The following KCNU1 variants were observed in gnomAD, a reference collection of about 807,000 sequenced individuals.
The protein encoded by KCNU1 is potassium calcium-activated channel subfamily U member 1.
KCNU1 carries 93 observed loss-of-function variants against 126.8 expected under a neutral mutation model. That is an observed-to-expected ratio of 0.73 (90% CI 0.62 to 0.87). The LOEUF is 0.87. KCNU1 is among the 40% of genes least tolerant of loss of function. The pLI, the probability that KCNU1 is intolerant of heterozygous loss-of-function variation, is 0.00. For missense variants in KCNU1, 1,330 were observed against 1,367.1 expected (o/e 0.97, Z 0.43); for synonymous variants, 523 against 494.2 (o/e 1.06, Z -0.77).
intron 24 of KCNU1, among the ~76,000 whole-genome samples, chr8:36,928,270 C>G (rs996429830): frequency 6.6e-6 from 1 of 152,082 alleles, no homozygotes; most frequent in Non-Finnish European, 1.5e-5. Flanking sequence ...TTTCCTAGAG[C>G]TATTGATACC....
At position 36,932,945 on chromosome 8, in the gene KCNU1, T is replaced by A. The variant is rs777117762; in HGVS notation, c.2957T>A (p.Phe986Tyr). The A allele has an allele frequency of 3.2e-6, 5 of 1,574,022 alleles. No individual in the cohort carries two copies. Among genetic ancestry groups the A allele is most frequent in the Non-Finnish European group, 4.3e-6 (5 of 1,157,742 alleles). Reference sequence around the variant, plus strand: ...CCAAGAAACACCTTTGGACAACTGTTCTGTGGCTCATTAGATCTTTTTGGA... The same window carrying A: ...CCAAGAAACACCTTTGGACAACTGTACTGTGGCTCATTAGATCTTTTTGGA... ...VNPRNTFGQL[F>Y]CGSLDLFGIL... is the part of the protein sequence containing the mutation. The change falls in exon 26 of 27, where the codon TTC becomes TAC. Residue 986 changes from phenylalanine (F) to tyrosine (Y), a missense_variant. Phe to Tyr is a conservative substitution (Grantham distance 22). Transcript: ENST00000399881.
intron 2 of KCNU1, among the ~76,000 whole-genome samples, chr8:36,791,420 C>T (rs1173587128): frequency 6.6e-6 from 1 of 152,136 alleles, no homozygotes; most frequent in South Asian, 2.1e-4. Context: ...TAACATCATC[C>T]TAAGCACTAC....
intron 14 of KCNU1, among the ~76,000 whole-genome samples, chr8:36,838,336 T>A (rs1804828571): frequency 6.6e-6 from 1 of 152,214 alleles, no homozygotes; most frequent in Non-Finnish European, 1.5e-5. Flanking sequence ...TGAAGACTTA[T>A]CCTCCTTCAT....
intron 26 of KCNU1, among the ~76,000 whole-genome samples, chr8:36,934,376 G>A (rs1808792464): frequency 6.6e-6 from 1 of 151,942 alleles, no homozygotes; most frequent in Non-Finnish European, 1.5e-5. Context: ...CTGATGGATG[G>A]GGAAGGAAGG....
intron 19 of KCNU1, among the ~76,000 whole-genome samples, chr8:36,879,077 G>A (rs1361192102): frequency 2.0e-5 from 3 of 147,794 alleles, no homozygotes; most frequent in Admixed American, 6.8e-5. Context: ...AGTGGGCACC[G>A]TAAAAGATTG....
intron 1 of KCNU1, among the ~76,000 whole-genome samples, chr8:36,785,225 T>C (rs1394867602): frequency 2.0e-5 from 3 of 152,152 alleles, no homozygotes; most frequent in Non-Finnish European, 4.4e-5. Flanking sequence ...GAATAAATGA[T>C]GTATTATACA....
chr8:36,860,124 C>T (rs561600547), intron 18 of KCNU1, among the ~76,000 whole-genome samples: 6 of 152,142 alleles, frequency 3.9e-5, no homozygotes, highest in Non-Finnish European at 7.3e-5. Context: ...GTTGCCCAGG[C>T]TGGAGTGCAG....
intron 25 of KCNU1, among the ~76,000 whole-genome samples, chr8:36,932,386 A>G (rs1448434139): frequency 6.6e-6 from 1 of 151,998 alleles, no homozygotes; most frequent in Non-Finnish European, 1.5e-5. Context: ...GAATTACAGA[A>G]CTGTATGGAT....
intron 10 of KCNU1, among the ~76,000 whole-genome samples, chr8:36,829,882 T>A (rs1691574819): frequency 1.3e-5 from 2 of 151,348 alleles, no homozygotes; most frequent in South Asian, 4.1e-4. Context: ...AAAAGTAATA[T>A]CTTCCAGTAG....
At chr8:36,875,629 A>G (rs1806254228) in intron 19 of KCNU1, among the ~76,000 whole-genome samples, 1 of 152,078 alleles carries the variant, frequency 6.6e-6, no homozygotes, top group Non-Finnish European at 1.5e-5. Context: ...TCCAGTTTCT[A>G]TTTACTTATT....
chr8:36,863,505 C>T (rs749887367), intron 18 of KCNU1, among the ~76,000 whole-genome samples: 14 of 152,134 alleles, frequency 9.2e-5, no homozygotes, highest in Non-Finnish European at 1.6e-4. Context: ...TTCTGGCAAG[C>T]GGATCACACA....
intron 20 of KCNU1, among the ~76,000 whole-genome samples, chr8:36,908,901 A>G (rs1041647976): frequency 3.9e-5 from 6 of 152,178 alleles, no homozygotes; most frequent in Admixed American, 2.0e-4. Flanking sequence ...ACTAGAAGAC[A>G]TAATTTAGCA....
intron 22 of KCNU1, among the ~76,000 whole-genome samples, chr8:36,913,920 A>G (rs1359399004): frequency 6.6e-6 from 1 of 152,120 alleles, no homozygotes; most frequent in Non-Finnish European, 1.5e-5. Flanking sequence ...CATTTTAAGA[A>G]CATTTTGAGG....
intron 7 of KCNU1, among the ~76,000 whole-genome samples, chr8:36,810,666 A>G (rs1314519044): frequency 2.0e-5 from 3 of 152,238 alleles, no homozygotes; most frequent in African/African-American, 7.2e-5. Context: ...CTAAATGATG[A>G]TATCATTCAA....
rs1271332364 is a variant in KCNU1 at position 36,862,402 on chromosome 8, A to T, written c.1892-2002A>T. ...TCTGCCTTATCTTGCAACCTGGTAA[A>T]TAAACAATTTTCAATTTCCTTTTTG... On this transcript the variant is annotated intron_variant, in intron 18 of 26. Transcript: ENST00000399881. Among the ~76,000 whole-genome samples, 2 of 152,222 alleles carry T rather than the reference A, an allele frequency of 1.3e-5. 1 individual carries two copies. The highest frequency in any genetic ancestry group is 6.8e-3 in the Middle Eastern group (2 of 294).
Position 36,936,006 on chromosome 8 carries a change from T to A in KCNU1, c.*86T>A. On this transcript the variant is annotated 3_prime_UTR_variant, in exon 27 of 27. Coordinates refer to ENST00000399881, the MANE Select transcript of KCNU1 (RefSeq NM_001031836.3). ...TAACTTTGAACAAAGAAAATAAGAATGGAAGCATGCCATTTTTCTGCCCAT... is the reference window on the plus strand; with the variant it reads ...TAACTTTGAACAAAGAAAATAAGAAAGGAAGCATGCCATTTTTCTGCCCAT... 7.8e-7 allele frequency: 1 copy of A among 1,280,988 alleles called. No homozygotes were observed. The allele number at this position is 1,280,988 out of a possible 1,614,324, so 79.4% of individuals were successfully genotyped here.
At chr8:36,905,075 G>A (rs1807570054) in intron 19 of KCNU1, among the ~76,000 whole-genome samples, 1 of 152,130 alleles carries the variant, frequency 6.6e-6, no homozygotes, top group African/African-American at 2.4e-5. Flanking sequence ...ACTCTGTCAG[G>A]GATTGAATAC....
chr8:36,924,020 T>A (rs1808454471), intron 24 of KCNU1, among the ~76,000 whole-genome samples: 1 of 152,172 alleles, frequency 6.6e-6, no homozygotes, highest in Non-Finnish European at 1.5e-5. Context: ...ATTCCTGGTG[T>A]CTATTATTTT....
Position 36,935,632 on chromosome 8 carries a change from G to A in KCNU1, c.3162G>A (p.Lys1054=). ...YKRNEEFSLQ[K]SYEIVNKASQ... ...GGAATGAAGAGTTCTCATTGCAAAAGTCATATGAAATTGTAAATAAAGCAT... is the reference window on the plus strand; with the variant it reads ...GGAATGAAGAGTTCTCATTGCAAAAATCATATGAAATTGTAAATAAAGCAT... The change falls in exon 27 of 27, where the codon AAG becomes AAA. Residue 1054 remains lysine (K), a synonymous_variant. Coordinates refer to ENST00000399881, the MANE Select transcript of KCNU1 (RefSeq NM_001031836.3). 4 of 1,613,448 alleles carry A rather than the reference G, an allele frequency of 2.5e-6. No individual in the cohort carries two copies. The highest frequency in any genetic ancestry group is 3.4e-6 in the Non-Finnish European group (4 of 1,179,572).
Sources: gnomAD v4.1 joint callset for allele counts (sites outside exome capture counted in the v4.1 genomes callset) on GRCh38, gnomAD v4.1.1 for gene constraint, MANE v1.5 for transcripts, NCBI Gene and HGNC (gene_info 2026-07-23, HGNC 2026-07-21) for gene names.